Variants in KCTD16 observed in about 807,000 individuals in gnomAD.
KCTD16 encodes the protein BTB/POZ domain-containing protein KCTD16.
Under a neutral mutation model 33.2 loss-of-function variants are expected in KCTD16, and 13 were observed. The ratio of observed to expected loss-of-function variants is 0.39; its 90% CI spans 0.25 to 0.62. The LOEUF is 0.62. KCTD16 is among the 20% of genes least tolerant of loss of function. The pLI, the probability that KCTD16 is intolerant of heterozygous loss-of-function variation, is 0.50. For missense variants in KCTD16, 441 were observed against 525.1 expected, an observed-to-expected ratio of 0.84 and a Z score of 1.57; for synonymous variants, 197 against 195.3, an observed-to-expected ratio of 1.01 and a Z score of -0.07.
intron 3 of KCTD16, among the ~76,000 whole-genome samples, chr5:144,286,699 A>G (rs11953959): frequency 0.017 from 2,634 of 152,254 alleles, 78 homozygotes; most frequent in African/African-American, 0.06. Flanking sequence ...TACAAGGAGG[A>G]ATTATGCCCA....
chr5:144,232,685 T>C (rs1197381701), intron 3 of KCTD16, among the ~76,000 whole-genome samples: 3 of 152,182 alleles, frequency 2.0e-5, no homozygotes, highest in African/African-American at 7.2e-5. Context: ...TACTGTTCAA[T>C]AGAAACATAA....
chr5:144,425,519 A>G (rs1031746765), intron 3 of KCTD16, among the ~76,000 whole-genome samples: 1 of 151,938 alleles, frequency 6.6e-6, no homozygotes, highest in Non-Finnish European at 1.5e-5. Context: ...TACTCCCGCA[A>G]GTTTCTTCCT....
chr5:144,211,608 T>C (rs1753395736), intron 3 of KCTD16, among the ~76,000 whole-genome samples: 1 of 152,202 alleles, frequency 6.6e-6, no homozygotes, highest in South Asian at 2.1e-4. Flanking sequence ...CCCTAAGATA[T>C]GTCATTACAT....
intron 2 of KCTD16, among the ~76,000 whole-genome samples, chr5:144,194,501 T>C (rs1220250689): frequency 1.3e-5 from 2 of 152,360 alleles, no homozygotes; most frequent in East Asian, 3.9e-4. Context: ...CCCTGAGCTC[T>C]TGTGGAGCTA....
At chr5:144,390,433 T>TG (rs916581384) in intron 3 of KCTD16, among the ~76,000 whole-genome samples, 1 of 151,980 alleles carries the variant, frequency 6.6e-6, no homozygotes, top group Non-Finnish European at 1.5e-5. Flanking sequence ...GTTGGGGAGC[T>TG]GGGGGGTCAG....
chr5:144,301,503 A>G (rs1751438463), intron 3 of KCTD16, among the ~76,000 whole-genome samples: 1 of 152,198 alleles, frequency 6.6e-6, no homozygotes, highest in East Asian at 1.9e-4. Context: ...TGTGTTAAAC[A>G]TAATTTTTGT....
chr5:144,465,517 G>A (rs1754309865), intron 3 of KCTD16, among the ~76,000 whole-genome samples: 1 of 152,012 alleles, frequency 6.6e-6, no homozygotes, highest in Non-Finnish European at 1.5e-5. Context: ...TGGCCTCTCA[G>A]GTCTCTTCTG....
At position 144,315,295 on chromosome 5, in the gene KCTD16, AAAC is replaced by A. The variant is rs569076302; in HGVS notation, c.832+107755_832+107757del. 1.8e-4 allele frequency among the ~76,000 whole-genome samples: 28 copies of A among 152,314 alleles called. No individual in the cohort carries two copies. The East Asian group carries it at 4.4e-3, about 24-fold the overall frequency. ...ATCCCTGAACAATCCAACGGTGTAT[AAAC>A]AACAAATTTGTTTCACTTTTCTATC... On this transcript the variant is annotated intron_variant, in intron 3 of 3. Coordinates refer to ENST00000512467, the MANE Select transcript of KCTD16 (RefSeq NM_020768.4).
intron 3 of KCTD16, among the ~76,000 whole-genome samples, chr5:144,435,846 T>C (rs1382035380): frequency 6.6e-6 from 1 of 151,582 alleles, no homozygotes; most frequent in Non-Finnish European, 1.5e-5. Flanking sequence ...TGTGTGTATG[T>C]GTGTGTGTGT....
In KCTD16 at chr5:144,465,131, T is replaced by C. The variant is rs73299656; in HGVS notation, c.833-8529T>C. ...TACAAGTAAAATGTCTAGCATAGGA[T>C]AGGTGTTTGATAAATGTAGATCAGT... On this transcript the variant is annotated intron_variant, in intron 3 of 3. Transcript: ENST00000512467. 4.2e-3 allele frequency among the ~76,000 whole-genome samples: 632 copies of C among 150,868 alleles called. 7 individuals are homozygous for C. Among genetic ancestry groups the C allele is most frequent in the African/African-American group, 0.014 (581 of 40,944 alleles).
At chr5:144,465,068 T>C (rs546380617) in intron 3 of KCTD16, among the ~76,000 whole-genome samples, 4 of 152,310 alleles carry the variant, frequency 2.6e-5, no homozygotes, top group African/African-American at 9.6e-5. Context: ...TTGTAATTTT[T>C]ACCTCCCTTT....
intron 3 of KCTD16, among the ~76,000 whole-genome samples, chr5:144,304,128 T>TAAAGAAA (rs1751522554): frequency 6.6e-6 from 1 of 152,152 alleles, no homozygotes; most frequent in Admixed American, 6.5e-5. Context: ...TGTCTTATAG[T>TAAAGAAA]AAAGAAAAAA....
At position 144,463,052 on chromosome 5, in the gene KCTD16, A is replaced by G. The variant is rs117163046; in HGVS notation, c.833-10608A>G. 9.3e-4 allele frequency among the ~76,000 whole-genome samples: 141 copies of G among 152,342 alleles called. 2 individuals carry two copies. The East Asian group carries it at 0.025, about 27-fold the overall frequency. ...ATTTATCCCCTCTTTTAAAAATTCTACTGCTCTTAGAGTCACTGCAGGTCA... is the reference window on the plus strand; with the variant it reads ...ATTTATCCCCTCTTTTAAAAATTCTGCTGCTCTTAGAGTCACTGCAGGTCA... On this transcript the variant is annotated intron_variant, in intron 3 of 3. Transcript: ENST00000512467.
chr5:144,257,072 T>C (rs1329272785), intron 3 of KCTD16, among the ~76,000 whole-genome samples: 1 of 152,212 alleles, frequency 6.6e-6, no homozygotes, highest in Non-Finnish European at 1.5e-5. Flanking sequence ...TGTATCTCAC[T>C]TTTTCTACTT....
chr5:144,414,408 C>G (rs1434794127), intron 3 of KCTD16, among the ~76,000 whole-genome samples: 1 of 152,116 alleles, frequency 6.6e-6, no homozygotes, highest in Non-Finnish European at 1.5e-5. Flanking sequence ...CAAAGTGTTT[C>G]ATGTTATTTT....
intron 3 of KCTD16, among the ~76,000 whole-genome samples, chr5:144,381,184 T>C (rs1475843162): frequency 3.3e-5 from 5 of 151,498 alleles, no homozygotes; most frequent in East Asian, 1.9e-4. Flanking sequence ...CATACAAGCA[T>C]ATGAAAAAAA....
chr5:144,473,622 C>G (rs1361296243), intron 3 of KCTD16, 38 bp from the exon 4 acceptor site: 6 of 1,541,590 alleles, frequency 3.9e-6, no homozygotes, highest in Non-Finnish European at 4.4e-6. Flanking sequence ...ACTGACCTGG[C>G]TGGCATTAAT....
intron 3 of KCTD16, among the ~76,000 whole-genome samples, chr5:144,425,694 C>T (rs1753312595): frequency 6.6e-6 from 1 of 151,998 alleles, no homozygotes; most frequent in Admixed American, 6.6e-5. Context: ...CCTGGACTCA[C>T]TTGAGCCATG....
chr5:144,275,339 C>G (rs1485430675), intron 3 of KCTD16, among the ~76,000 whole-genome samples: 1 of 152,140 alleles, frequency 6.6e-6, no homozygotes, highest in Non-Finnish European at 1.5e-5. Context: ...GCATAATTGA[C>G]TCATTGCACC....
Sources: gnomAD v4.1 joint callset for allele counts (sites outside exome capture counted in the v4.1 genomes callset) on GRCh38, gnomAD v4.1.1 for gene constraint, MANE v1.5 for transcripts, NCBI Gene and HGNC (gene_info 2026-07-23, HGNC 2026-07-21) for gene names.